The following TPST1 variants were observed in gnomAD, a reference collection of about 807,000 sequenced individuals.
TPST1 encodes the protein tyrosylprotein sulfotransferase 1.
In TPST1, 20 loss-of-function variants were observed where a neutral mutation model predicts 34.8. The ratio of observed to expected loss-of-function variants is 0.57; its 90% CI spans 0.40 to 0.84. The LOEUF (loss-of-function observed/expected upper bound fraction) is 0.84. Among genes scored for constraint, TPST1 ranks in the 40% least tolerant of loss-of-function variants. The pLI is 0.00. For synonymous variants in TPST1, 152 were observed against 159.4 expected (o/e 0.95, Z 0.35); for missense variants, 353 against 455.5 (o/e 0.78, Z 2.05).
chr7:66,231,050 G>A (rs540311867), intron 1 of TPST1, among the ~76,000 whole-genome samples: 17 of 151,820 alleles, frequency 1.1e-4, no homozygotes, highest in African/African-American at 4.1e-4. Flanking sequence ...GCTAGATACA[G>A]AGTGCCGATT....
chr7:66,334,389 A>G (rs1792052172), intron 3 of TPST1, among the ~76,000 whole-genome samples: 1 of 152,144 alleles, frequency 6.6e-6, no homozygotes, highest in South Asian at 2.1e-4. Flanking sequence ...TAATCCCAGC[A>G]TGTTGGGAGG....
intron 1 of TPST1, among the ~76,000 whole-genome samples, chr7:66,223,135 C>T (rs1036214713): frequency 3.3e-5 from 5 of 151,924 alleles, no homozygotes; most frequent in Admixed American, 1.3e-4. Context: ...TTTTTCTATT[C>T]AGTTACTTTT....
chr7:66,250,252 A>T (rs936619443), intron 2 of TPST1, among the ~76,000 whole-genome samples: 1 of 152,312 alleles, frequency 6.6e-6, no homozygotes, highest in African/African-American at 2.4e-5. Context: ...AATTTTATAG[A>T]TGAGGGACTT....
intron 3 of TPST1, among the ~76,000 whole-genome samples, chr7:66,342,137 A>G (rs1385457357): frequency 5.3e-5 from 8 of 152,228 alleles, no homozygotes; most frequent in East Asian, 1.9e-4. Flanking sequence ...TCTGTTTCCA[A>G]TACCACTGAG....
Position 66,252,939 on chromosome 7 carries a change from A to T in TPST1, c.845+11669A>T, listed in dbSNP as rs552880670. On this transcript the variant is annotated intron_variant, in intron 2 of 5. Coordinates refer to ENST00000304842, the MANE Select transcript of TPST1 (RefSeq NM_003596.4). ...TCATTTTCATATTTTTTCTATAAAG[A>T]TGACCAGTTTCCCGGAACCATCTAT... is the stretch of plus-strand genomic sequence containing the variant. 1.4e-4 allele frequency among the ~76,000 whole-genome samples: 21 copies of T among 152,266 alleles called. No individual in the cohort carries two copies. In the South Asian group the frequency reaches 4.4e-3, roughly 32 times the overall value.
chr7:66,328,900 A>ATT (rs1562847254), intron 3 of TPST1, among the ~76,000 whole-genome samples: 3 of 45,154 alleles, frequency 6.6e-5, no homozygotes, highest in African/African-American at 1.3e-4. Context: ...ATATATATAT[A>ATT]TATATATTTT....
intron 3 of TPST1, among the ~76,000 whole-genome samples, chr7:66,329,145 C>G (rs1791946301): frequency 6.6e-6 from 1 of 151,618 alleles, no homozygotes; most frequent in Non-Finnish European, 1.5e-5. Context: ...GCTCCTGGAA[C>G]TCAAGCAATC....
intron 3 of TPST1, among the ~76,000 whole-genome samples, chr7:66,344,914 C>T (rs796889700): frequency 6.8e-5 from 10 of 146,658 alleles, no homozygotes; most frequent in African/African-American, 2.5e-4. Context: ...TTAGTAGAGA[C>T]GGGGTTTCAC....
intron 2 of TPST1, 31 bp from the exon 3 acceptor site, chr7:66,286,480 T>G (rs763283402): frequency 7.0e-7 from 1 of 1,438,306 alleles, no homozygotes; most frequent in Non-Finnish European, 9.2e-7. Flanking sequence ...AAATTTTAAA[T>G]AAATATTTAT....
rs965328683 is a variant in TPST1, at chr7:66,205,996, G to T, written c.-102+474G>T. ...CTGGGTCTTGCCCTTTTGCTCCTAAGCACCTTCCTTTCCCAACTCGCCTCT... is the reference window on the plus strand; with the variant it reads ...CTGGGTCTTGCCCTTTTGCTCCTAATCACCTTCCTTTCCCAACTCGCCTCT... On this transcript the variant is annotated intron_variant, in intron 1 of 5. Transcript: ENST00000304842. The surrounding 1 kb of genome is among the most constrained non-coding windows in gnomAD (Gnocchi z 5.0). 1.3e-5 allele frequency: 2 copies of T among 152,650 alleles called. No homozygotes were observed. The highest frequency in any genetic ancestry group is 4.8e-5 in the African/African-American group (2 of 41,424). The allele number at this position is 152,650 out of a possible 1,614,324, so 9.5% of individuals were successfully genotyped here.
At chr7:66,272,711 C>G (rs368373670) in intron 2 of TPST1, among the ~76,000 whole-genome samples, 1 of 151,966 alleles carries the variant, frequency 6.6e-6, no homozygotes, top group Non-Finnish European at 1.5e-5. Context: ...CTCAGCCTCC[C>G]AAGTAGCTGG....
rs566451632 is a variant in TPST1 at position 66,296,250 on chromosome 7, C to G, written c.1044+9541C>G. The stretch of plus-strand genomic sequence containing the variant: ...GAAATTAAAAAACACCCACCCTTCC[C>G]CCCCCCCTCCCCCACCGTCTCTGCC... On this transcript the variant is annotated intron_variant, in intron 3 of 5. Coordinates refer to ENST00000304842, the MANE Select transcript of TPST1 (RefSeq NM_003596.4). Among the ~76,000 whole-genome samples the G allele has an allele frequency of 5.2e-3, 253 of 48,488 alleles. 8 individuals carry two copies. Among genetic ancestry groups the G allele is most frequent in the African/African-American group, 7.3e-3 (71 of 9,760 alleles). 31.8% of individuals were successfully genotyped at this position (48,488 alleles called of 152,430 possible). A position where few individuals can be genotyped will look rare whatever the true frequency, so the allele number is the denominator to read the frequency against.
At chr7:66,328,537 G>C (rs1472295047) in intron 3 of TPST1, among the ~76,000 whole-genome samples, 1 of 151,500 alleles carries the variant, frequency 6.6e-6, no homozygotes, top group Non-Finnish European at 1.5e-5. Flanking sequence ...ATTCACAAAT[G>C]AAATAGTTTT....
intron 3 of TPST1, among the ~76,000 whole-genome samples, chr7:66,345,928 CTAA>C (rs986622721): frequency 1.3e-5 from 2 of 152,026 alleles, no homozygotes; most frequent in African/African-American, 4.8e-5. Flanking sequence ...TTCCTTCTAT[CTAA>C]TAATATTTTT....
chr7:66,278,601 G>A (rs1048160459), intron 2 of TPST1, among the ~76,000 whole-genome samples: 3 of 152,044 alleles, frequency 2.0e-5, no homozygotes, highest in Non-Finnish European at 4.4e-5. Context: ...TAGCTAACAC[G>A]GTGAAACCCC....
rs534323055 is a variant in TPST1 at position 66,286,769 on chromosome 7, C to T, written c.1044+60C>T. 1.2e-4 allele frequency: 157 copies of T among 1,277,824 alleles called. 1 individual carries two copies. Among genetic ancestry groups the T allele is most frequent in the Middle Eastern group, 4.1e-4 (2 of 4,896 alleles). The allele number at this position is 1,277,824 out of a possible 1,614,324, so 79.2% of individuals were successfully genotyped here. The stretch of plus-strand genomic sequence containing the variant: ...AGATTTTGAATTTGGGATCTGAATA[C>T]GTTTTTTTCTTATTTTATTTCTTGC... On this transcript the variant is annotated intron_variant, in intron 3 of 5. Coordinates refer to ENST00000304842, the MANE Select transcript of TPST1 (RefSeq NM_003596.4).
intron 3 of TPST1, among the ~76,000 whole-genome samples, chr7:66,317,922 G>A (rs1365528316): frequency 2.0e-5 from 3 of 152,112 alleles, no homozygotes; most frequent in African/African-American, 7.2e-5. Context: ...ACTTTGGGAG[G>A]CCAAAGCGGG....
intron 3 of TPST1, among the ~76,000 whole-genome samples, chr7:66,324,724 G>A (rs543315852): frequency 2.0e-5 from 3 of 149,750 alleles, no homozygotes; most frequent in East Asian, 4.1e-4. Flanking sequence ...GCTTGAACTC[G>A]GGAGGCAGAG....
intron 5 of TPST1, among the ~76,000 whole-genome samples, chr7:66,357,498 C>CTA (rs562509357): frequency 1.3e-4 from 20 of 152,318 alleles, no homozygotes; most frequent in Non-Finnish European, 2.6e-4. Flanking sequence ...TGTGAGTAAC[C>CTA]TATATTGTCT....
Sources: gnomAD v4.1 joint callset for allele counts (sites outside exome capture counted in the v4.1 genomes callset) on GRCh38, gnomAD v4.1.1 for gene constraint, Gnocchi (gnomAD v3.1) non-coding constraint, MANE v1.5 for transcripts, NCBI Gene and HGNC (gene_info 2026-07-23, HGNC 2026-07-21) for gene names.